The following LDLRAD4 variants were observed in gnomAD, a reference collection of about 807,000 sequenced individuals.
The protein encoded by LDLRAD4 is low density lipoprotein receptor class A domain containing 4.
Under a neutral mutation model 17.0 loss-of-function variants are expected in LDLRAD4, and 5 were observed. The observed-to-expected ratio is 0.29, with a 90% CI of 0.15 to 0.62. LDLRAD4 has a LOEUF of 0.62. Ranked by LOEUF, LDLRAD4 falls within the 20% of genes least tolerant of loss-of-function variation. The pLI is 0.84. For missense variants in LDLRAD4, 340 were observed against 424.7 expected, an observed-to-expected ratio of 0.80 and a Z score of 1.75; for synonymous variants, 168 against 171.8, an observed-to-expected ratio of 0.98 and a Z score of 0.17.
intron 3 of LDLRAD4, among the ~76,000 whole-genome samples, chr18:13,450,724 G>A (rs562888139): frequency 6.6e-6 from 1 of 152,326 alleles, no homozygotes; most frequent in East Asian, 1.9e-4. Context: ...TGCAGTGCCA[G>A]TATGCAGGAC....
At chr18:13,299,586 G>C (rs556805626) in intron 1 of LDLRAD4, among the ~76,000 whole-genome samples, 1 of 152,350 alleles carries the variant, frequency 6.6e-6, no homozygotes, top group African/African-American at 2.4e-5. Flanking sequence ...ACTCACACCT[G>C]TAATTCTAGC....
chr18:13,352,579 C>A (rs1405547908), intron 1 of LDLRAD4, among the ~76,000 whole-genome samples: 1 of 152,002 alleles, frequency 6.6e-6, no homozygotes, highest in African/African-American at 2.4e-5. Context: ...TTAGTTTTAT[C>A]CTACTTTGAG....
intron 3 of LDLRAD4, among the ~76,000 whole-genome samples, chr18:13,532,535 C>T (rs1027545923): frequency 1.3e-5 from 2 of 151,992 alleles, no homozygotes; most frequent in African/African-American, 4.8e-5. Context: ...GGGAGGGAGG[C>T]GGAGGAGTGG....
chr18:13,321,861 C>CAAAAAAAAAAA lies in LDLRAD4; in HGVS notation c.-383+43704_-383+43714dup, dbSNP rs57033432. On this transcript the variant is annotated intron_variant, in intron 1 of 5. Coordinates refer to ENST00000359446, the Ensembl canonical transcript of LDLRAD4. Reference sequence around the variant, plus strand: ...AGGCAACAACAGCGAGACTCCGTCTCAAAAAAAAAAAAAAAAAAAAAAAAA... The same window carrying CAAAAAAAAAAA: ...AGGCAACAACAGCGAGACTCCGTCTCAAAAAAAAAAAAAAAAAAAAAAAAAAAAAAAAAAAA... Among the ~76,000 whole-genome samples the CAAAAAAAAAAA allele has an allele frequency of 2.2e-3, 138 of 62,130 alleles. 5 individuals are homozygous for CAAAAAAAAAAA. The highest frequency in any genetic ancestry group is 2.6e-3 in the Non-Finnish European group (93 of 35,796). 40.8% of individuals were successfully genotyped at this position (62,130 alleles called of 152,430 possible). A position where few individuals can be genotyped will look rare whatever the true frequency, so the allele number is the denominator to read the frequency against.
At chr18:13,627,436 T>A (rs1409120997) in intron 4 of LDLRAD4, among the ~76,000 whole-genome samples, 1 of 152,082 alleles carries the variant, frequency 6.6e-6, no homozygotes, top group Non-Finnish European at 1.5e-5. Context: ...TGGGGACCCT[T>A]CAGTGCCGGG....
intron 3 of LDLRAD4, among the ~76,000 whole-genome samples, chr18:13,544,789 A>G (rs949439862): frequency 6.6e-6 from 1 of 151,732 alleles, no homozygotes; most frequent in African/African-American, 2.4e-5. Flanking sequence ...GACCAAGGAG[A>G]GGCTAGGTCC....
chr18:13,358,833 C>A (rs937749572), intron 1 of LDLRAD4, among the ~76,000 whole-genome samples: 1 of 152,100 alleles, frequency 6.6e-6, no homozygotes, highest in Admixed American at 6.5e-5. Context: ...CAGAAAGATA[C>A]TGGGTGGCTA....
chr18:13,644,813 T>C (rs984150952), intron 5 of LDLRAD4: 1 of 329,990 alleles, frequency 3.0e-6, no homozygotes, highest in African/African-American at 2.1e-5. Flanking sequence ...GTGTTCTGTT[T>C]CCAAGGGGAA....
intron 1 of LDLRAD4, among the ~76,000 whole-genome samples, chr18:13,344,091 A>G (rs1300937498): frequency 6.6e-6 from 1 of 152,132 alleles, no homozygotes; most frequent in East Asian, 1.9e-4. Flanking sequence ...GTTTAATTAG[A>G]TCCCATTTGT....
At chr18:13,294,644 A>G (rs368342688) in intron 1 of LDLRAD4, among the ~76,000 whole-genome samples, 10 of 152,176 alleles carry the variant, frequency 6.6e-5, no homozygotes, top group African/African-American at 2.4e-4. Flanking sequence ...TGCCTGGCCC[A>G]TCTGGGGTGG....
At chr18:13,268,369 T>C (rs2044340021) in intron 1 of LDLRAD4, among the ~76,000 whole-genome samples, 1 of 152,206 alleles carries the variant, frequency 6.6e-6, no homozygotes, top group South Asian at 2.1e-4. Flanking sequence ...TGGGGCTTCT[T>C]GGTCTTTATA....
chr18:13,383,943 A>C (rs936769477), intron 1 of LDLRAD4, among the ~76,000 whole-genome samples: 3 of 152,164 alleles, frequency 2.0e-5, no homozygotes, highest in Non-Finnish European at 4.4e-5. Context: ...TTTTACCTTG[A>C]AAATTGCATT....
intron 1 of LDLRAD4, among the ~76,000 whole-genome samples, chr18:13,226,338 ATTGT>A (rs1381407600): frequency 4.0e-5 from 6 of 151,676 alleles, no homozygotes; most frequent in Admixed American, 6.6e-5. Flanking sequence ...TTTTTAAAAC[ATTGT>A]TTGGGTAGAT....
At chr18:13,504,584 C>T (rs1433961913) in intron 3 of LDLRAD4, among the ~76,000 whole-genome samples, 2 of 152,224 alleles carry the variant, frequency 1.3e-5, no homozygotes, top group African/African-American at 2.4e-5. Flanking sequence ...TGCGCTATCA[C>T]GCCTGGCTAA....
At chr18:13,328,022 C>T (rs2081627002) in intron 1 of LDLRAD4, among the ~76,000 whole-genome samples, 2 of 152,222 alleles carry the variant, frequency 1.3e-5, no homozygotes, top group South Asian at 2.1e-4. Context: ...ACCCCCACCT[C>T]GCTGACCACC....
chr18:13,442,834 C>T (rs1425114425), intron 3 of LDLRAD4, among the ~76,000 whole-genome samples: 1 of 152,160 alleles, frequency 6.6e-6, no homozygotes, highest in African/African-American at 2.4e-5. Context: ...AGCACAGACC[C>T]CCGAAGCCAG....
chr18:13,331,510 C>T (rs1410998825), intron 1 of LDLRAD4, among the ~76,000 whole-genome samples: 2 of 152,230 alleles, frequency 1.3e-5, no homozygotes, highest in Non-Finnish European at 2.9e-5. Context: ...TTAATTAGTA[C>T]CTCCAGTGCA....
intron 3 of LDLRAD4, among the ~76,000 whole-genome samples, chr18:13,540,988 G>A (rs951476592): frequency 6.6e-6 from 1 of 152,188 alleles, no homozygotes; most frequent in Non-Finnish European, 1.5e-5. Context: ...GTCCCTGAGT[G>A]GAGGTGGAGG....
chr18:13,430,278 A>G (rs2090240765), intron 2 of LDLRAD4, among the ~76,000 whole-genome samples: 1 of 152,212 alleles, frequency 6.6e-6, no homozygotes, highest in South Asian at 2.1e-4. Context: ...CACATCTGTC[A>G]GTGGGCGACG....
Sources: gnomAD v4.1 joint callset for allele counts (sites outside exome capture counted in the v4.1 genomes callset) on GRCh38, gnomAD v4.1.1 for gene constraint, MANE v1.5 for transcripts, NCBI Gene and HGNC (gene_info 2026-07-23, HGNC 2026-07-21) for gene names.